PRKCE: variants seen among roughly 807,000 people sequenced by gnomAD.
The protein encoded by PRKCE is protein kinase C epsilon.
Under a neutral mutation model 85.4 loss-of-function variants are expected in PRKCE, and 16 were observed. The ratio of observed to expected loss-of-function variants is 0.19; its 90% CI spans 0.13 to 0.28. The LOEUF (loss-of-function observed/expected upper bound fraction) is 0.28, where lower values mean the gene tolerates loss of function less well. Ranked by LOEUF, PRKCE falls within the 10% of genes least tolerant of loss-of-function variation. The pLI, the probability that PRKCE is intolerant of heterozygous loss-of-function variation, is 1.00. For synonymous variants in PRKCE, 388 were observed against 371.5 expected, an observed-to-expected ratio of 1.04 and a Z score of -0.51; for missense variants, 573 against 975.2, an observed-to-expected ratio of 0.59 and a Z score of 5.49.
At chr2:45,840,824 A>G (rs183509634) in intron 1 of PRKCE, among the ~76,000 whole-genome samples, 133 of 152,322 alleles carry the variant, frequency 8.7e-4, no homozygotes, top group African/African-American at 3.1e-3. Flanking sequence ...GGAGAACACC[A>G]TTCCAGCTGG....
rs369307847 is a variant in PRKCE at position 45,963,855 on chromosome 2, A to G, written c.413-12574A>G. Among the ~76,000 whole-genome samples, 8 of 152,340 alleles carry G rather than the reference A, an allele frequency of 5.3e-5. No homozygotes were observed. In the South Asian group the frequency reaches 1.2e-3, roughly 24 times the overall value. ...CAAGTGCTCAAAACTGCCTTAGTAAAGAAGGAGTTTGAGGAACTAAAAAGT... is the reference window on the plus strand; with the variant it reads ...CAAGTGCTCAAAACTGCCTTAGTAAGGAAGGAGTTTGAGGAACTAAAAAGT... On this transcript the variant is annotated intron_variant, in intron 2 of 14. Coordinates refer to ENST00000306156, the MANE Select transcript of PRKCE (RefSeq NM_005400.3).
intron 2 of PRKCE, among the ~76,000 whole-genome samples, chr2:45,864,284 GA>G (rs1002435133): frequency 3.3e-5 from 5 of 152,122 alleles, no homozygotes; most frequent in African/African-American, 9.7e-5. Context: ...CATTTTAAGG[GA>G]CGAAGGTTCA....
intron 2 of PRKCE, among the ~76,000 whole-genome samples, chr2:45,846,861 C>A (rs73928835): frequency 6.6e-6 from 1 of 152,158 alleles, no homozygotes; most frequent in Non-Finnish European, 1.5e-5. Context: ...ACAGTGCCCT[C>A]GCATGTAAGA....
chr2:45,761,241 G>A (rs1430679714), intron 1 of PRKCE, among the ~76,000 whole-genome samples: 1 of 150,610 alleles, frequency 6.6e-6, no homozygotes, highest in East Asian at 2.0e-4. Context: ...GCAGGAGAAT[G>A]GCGTGAACCC....
In PRKCE at chr2:46,155,393, T is replaced by A. The variant is rs1385351963; in HGVS notation, c.1920+4164T>A. ...CCTGTTCGGCTCCTTCATGAATGGA[T>A]TCTGGTCACCGCCTCTCTTGTTCCT... On this transcript the variant is annotated intron_variant, in intron 13 of 14. Coordinates refer to ENST00000306156, the MANE Select transcript of PRKCE (RefSeq NM_005400.3). This position sits in a 1 kb window ranked among gnomAD's most constrained non-coding sequence, Gnocchi z 4.7. Among the ~76,000 whole-genome samples, 2 of 152,082 alleles carry A rather than the reference T, an allele frequency of 1.3e-5. No individual in the cohort carries two copies. The highest frequency in any genetic ancestry group is 3.9e-4 in the East Asian group (2 of 5,182).
At chr2:45,947,671 T>G (rs1453940795) in intron 2 of PRKCE, among the ~76,000 whole-genome samples, 1 of 152,242 alleles carries the variant, frequency 6.6e-6, no homozygotes, top group Non-Finnish European at 1.5e-5. Context: ...TGTTTTCAGT[T>G]GTCTATAGTC....
At chr2:46,142,717 G>A (rs1056328854) in intron 11 of PRKCE, among the ~76,000 whole-genome samples, 2 of 152,246 alleles carry the variant, frequency 1.3e-5, no homozygotes, top group African/African-American at 2.4e-5. Context: ...GCAGGGGCAG[G>A]CAAAGAAGAG....
intron 2 of PRKCE, among the ~76,000 whole-genome samples, chr2:45,967,857 GT>G (rs960536045): frequency 2.2e-4 from 33 of 152,280 alleles, no homozygotes; most frequent in Admixed American, 3.9e-4. Flanking sequence ...TATGAGGCAG[GT>G]TTTGGGAAAG....
At position 45,879,392 on chromosome 2, in the gene PRKCE, C is replaced by T. The variant is rs1694714523; in HGVS notation, c.412+36329C>T. 5.3e-5 allele frequency among the ~76,000 whole-genome samples: 8 copies of T among 152,290 alleles called. No homozygotes were observed. In the South Asian group the frequency reaches 1.7e-3, roughly 32 times the overall value. ...ACTATCCTTCAATTCATTCATGTGACCTGATTTTTTCCTGGACACTGGACA... is the reference window on the plus strand; with the variant it reads ...ACTATCCTTCAATTCATTCATGTGATCTGATTTTTTCCTGGACACTGGACA... On this transcript the variant is annotated intron_variant, in intron 2 of 14. Transcript: ENST00000306156.
chr2:46,153,770 T>C lies in PRKCE; in HGVS notation c.1920+2541T>C, dbSNP rs536105424. 1.4e-3 allele frequency among the ~76,000 whole-genome samples: 197 copies of C among 142,268 alleles called. 2 individuals are homozygous for C. Among genetic ancestry groups the C allele is most frequent in the African/African-American group, 4.8e-3 (188 of 39,292 alleles). The allele number at this position is 142,268 out of a possible 152,430, so 93.3% of individuals were successfully genotyped here. On this transcript the variant is annotated intron_variant, in intron 13 of 14. Transcript: ENST00000306156. ...CTTCCTCTTCTTCCTCCTCTTCCTC[T>C]TCTTCTTCTTCTTTTTTTTTTTTTT...
Position 45,719,466 on chromosome 2 carries a change from C to T in PRKCE, c.348+67018C>T, listed in dbSNP as rs531663631. Among the ~76,000 whole-genome samples, 7 of 152,258 alleles carry T rather than the reference C, an allele frequency of 4.6e-5. No individual in the cohort carries two copies. In the South Asian group the frequency reaches 6.2e-4, roughly 14 times the overall value. On this transcript the variant is annotated intron_variant, in intron 1 of 14. Transcript: ENST00000306156. ...TATTCCCAGGGTGTCCTGTGGACCA[C>T]GGGAAGGACTGTTTGGGGCTCCTTC...
chr2:45,892,829 G>A (rs1157488234), intron 2 of PRKCE, among the ~76,000 whole-genome samples: 1 of 152,222 alleles, frequency 6.6e-6, no homozygotes, highest in African/African-American at 2.4e-5. Context: ...CACCAGTATA[G>A]AACTTTGATA....
chr2:46,080,940 T>G (rs1669006561), intron 10 of PRKCE, among the ~76,000 whole-genome samples: 1 of 151,120 alleles, frequency 6.6e-6, no homozygotes, highest in Non-Finnish European at 1.5e-5. Context: ...ACTAGCTAAC[T>G]TAACTAAGCA....
chr2:45,822,807 C>G (rs974501105), intron 1 of PRKCE, among the ~76,000 whole-genome samples: 2 of 152,188 alleles, frequency 1.3e-5, no homozygotes, highest in Non-Finnish European at 2.9e-5. Context: ...AACCTTCTGT[C>G]TCTGTAAGGA....
intron 11 of PRKCE, among the ~76,000 whole-genome samples, chr2:46,123,602 C>A (rs536046129): frequency 1.3e-5 from 2 of 152,174 alleles, no homozygotes; most frequent in Non-Finnish European, 2.9e-5. Flanking sequence ...AATTCTCATG[C>A]CCCAACCTCC....
chr2:45,740,140 C>A (rs1682430680), intron 1 of PRKCE, among the ~76,000 whole-genome samples: 1 of 117,304 alleles, frequency 8.5e-6, no homozygotes, highest in African/African-American at 4.4e-5. Context: ...AACATGAGAC[C>A]CCATCTCAAA....
At chr2:45,695,857 A>G (rs1678100608) in intron 1 of PRKCE, among the ~76,000 whole-genome samples, 2 of 152,178 alleles carry the variant, frequency 1.3e-5, no homozygotes, top group African/African-American at 4.8e-5. Context: ...GAGCAGAAAA[A>G]AGAAACAGAT....
intron 2 of PRKCE, among the ~76,000 whole-genome samples, chr2:45,898,257 C>T (rs1053142386): frequency 2.0e-5 from 3 of 152,208 alleles, no homozygotes; most frequent in Non-Finnish European, 4.4e-5. Context: ...AGTTAAGCTT[C>T]ACCTCTGAAG....
chr2:46,174,698 A>G (rs574775649), intron 14 of PRKCE, among the ~76,000 whole-genome samples: 2 of 151,740 alleles, frequency 1.3e-5, no homozygotes, highest in African/African-American at 2.4e-5. Flanking sequence ...ATGCTTTTTA[A>G]TTTTTTTTGA....
Sources: gnomAD v4.1 joint callset for allele counts (sites outside exome capture counted in the v4.1 genomes callset) on GRCh38, gnomAD v4.1.1 for gene constraint, Gnocchi (gnomAD v3.1) non-coding constraint, MANE v1.5 for transcripts, NCBI Gene and HGNC (gene_info 2026-07-23, HGNC 2026-07-21) for gene names.